Variants in PANX3 observed in about 807,000 individuals in gnomAD.
The protein encoded by PANX3 is pannexin-3.
A neutral mutation model predicts 31.5 loss-of-function variants in PANX3; 18 were observed. The observed-to-expected ratio is 0.57, with a 90% CI of 0.39 to 0.85. PANX3 has a LOEUF of 0.85. Among genes scored for constraint, PANX3 ranks in the 40% least tolerant of loss-of-function variants. The pLI, the probability that PANX3 is intolerant of heterozygous loss-of-function variation, is 0.00. For missense variants in PANX3, 426 were observed against 485.4 expected (o/e 0.88, Z 1.15); for synonymous variants, 194 against 201.6 (o/e 0.96, Z 0.32).
chr11:124,616,657 A>C lies in PANX3; in HGVS notation c.325-617A>C, dbSNP rs893216992. Among the ~76,000 whole-genome samples the C allele has an allele frequency of 1.3e-5, 2 of 152,228 alleles. No homozygotes were observed. The highest frequency in any genetic ancestry group is 4.8e-5 in the African/African-American group (2 of 41,458). On this transcript the variant is annotated intron_variant, in intron 2 of 3. Transcript: ENST00000284288. The surrounding 1 kb of genome is among the most constrained non-coding windows in gnomAD (Gnocchi z 4.8). Reference sequence around the variant, plus strand: ...AGTCACTTATAGATTTACATGCCTGAAAGAGCCCCGCAAAGAATCCCAAGA... The same window carrying C: ...AGTCACTTATAGATTTACATGCCTGCAAGAGCCCCGCAAAGAATCCCAAGA...
rs546347601 is a variant in PANX3, at chr11:124,617,242, G to A, written c.325-32G>A. 6 of 1,560,868 alleles carry A rather than the reference G, an allele frequency of 3.8e-6. No homozygotes were observed. The East Asian group carries it at 6.8e-5, about 18-fold the overall frequency. ...TGTCACTCGGGGTCTCAGCAGCCCC[G>A]GCCTCCCTCCTCAGCTGCTCTCGCC... On this transcript the variant is annotated intron_variant, in intron 2 of 3. Coordinates refer to ENST00000284288, the MANE Select transcript of PANX3 (RefSeq NM_052959.3).
chr11:124,615,020 G>C (rs776860383), intron 2 of PANX3, among the ~76,000 whole-genome samples: 1 of 151,798 alleles, frequency 6.6e-6, no homozygotes, highest in African/African-American at 2.4e-5. Flanking sequence ...ATTTTCTCTA[G>C]AGCCTGGTGT....
intron 1 of PANX3, among the ~76,000 whole-genome samples, chr11:124,612,294 A>T (rs564327745): frequency 6.6e-6 from 1 of 152,304 alleles, no homozygotes; most frequent in Non-Finnish European, 1.5e-5. Flanking sequence ...ATACACATAC[A>T]TCTAGGGTTT....
At chr11:124,615,372 C>A (rs746828499) in intron 2 of PANX3, among the ~76,000 whole-genome samples, 2 of 152,170 alleles carry the variant, frequency 1.3e-5, no homozygotes, top group Non-Finnish European at 2.9e-5. Flanking sequence ...TGAGCCACTG[C>A]GCCCGGCCCC....
At chr11:124,612,073 T>C (rs1432285248) in intron 1 of PANX3, among the ~76,000 whole-genome samples, 3 of 152,152 alleles carry the variant, frequency 2.0e-5, no homozygotes, top group Non-Finnish European at 4.4e-5. Context: ...CTCCTGGTAA[T>C]GTTTTTAGGG....
Position 124,617,335 on chromosome 11 carries a change from A to G in PANX3, c.386A>G (p.Gln129Arg). 1 of 1,612,330 alleles carries G rather than the reference A, an allele frequency of 6.2e-7. No individual in the cohort carries two copies. Among genetic ancestry groups the G allele is most frequent in the South Asian group, 1.1e-5 (1 of 91,090 alleles). ...ATGTACCTGCCGGTGCTGCTGTGGC[A>G]GTATGCAGCTGTGCCAGCCCTCAGC... ...LLMYLPVLLW[Q>R]YAAVPALSSD... is the part of the protein sequence containing the mutation. Residue 129 changes from glutamine to arginine, a missense_variant, in exon 3 of 4, where the codon CAG (glutamine) becomes CGG (arginine). Gln to Arg is a conservative substitution (Grantham distance 43). Transcript: ENST00000284288.
At position 124,620,059 on chromosome 11, in the gene PANX3, T is replaced by A; in HGVS notation, c.*124T>A. 9.9e-7 allele frequency: 1 copy of A among 1,011,452 alleles called. No homozygotes were observed. Among genetic ancestry groups the A allele is most frequent in the Non-Finnish European group, 1.4e-6 (1 of 696,986 alleles). 62.7% of individuals were successfully genotyped at this position (1,011,452 alleles called of 1,614,324 possible). ...TAAAACTGCTAAGCTTGGATTTAACTGAATCATATATCTTTTATCATGTTA... is the reference window on the plus strand; with the variant it reads ...TAAAACTGCTAAGCTTGGATTTAACAGAATCATATATCTTTTATCATGTTA... On this transcript the variant is annotated 3_prime_UTR_variant, in exon 4 of 4. Coordinates refer to ENST00000284288, the MANE Select transcript of PANX3 (RefSeq NM_052959.3).
chr11:124,618,314 C>T (rs1328728299), intron 3 of PANX3, among the ~76,000 whole-genome samples: 1 of 152,162 alleles, frequency 6.6e-6, no homozygotes, highest in African/African-American at 2.4e-5. Flanking sequence ...TTTTGAAGCC[C>T]AGATTTCAGC....
chr11:124,619,336 C>T lies in PANX3; in HGVS notation c.580C>T (p.Arg194Trp), dbSNP rs188711105. 5.6e-6 allele frequency: 9 copies of T among 1,613,896 alleles called. No homozygotes were observed. Among genetic ancestry groups the T allele is most frequent in the African/African-American group, 4.0e-5 (3 of 75,036 alleles). Residue 194 changes from arginine to tryptophan, a missense_variant, in exon 4 of 4, where the codon CGG (arginine) becomes TGG (tryptophan). By Grantham distance (101) the Arg-to-Trp change is moderately radical (BLOSUM62 -3). Coordinates refer to ENST00000284288, the MANE Select transcript of PANX3 (RefSeq NM_052959.3). ...ERYFEFPLLE[R>W]YLACKQRSHS... ...ATACTTTGAATTCCCTTTGCTAGAGCGGTACCTGGCATGTAAGCAGCGTTC... is the reference window on the plus strand; with the variant it reads ...ATACTTTGAATTCCCTTTGCTAGAGTGGTACCTGGCATGTAAGCAGCGTTC...
At position 124,616,258 on chromosome 11, in the gene PANX3, T is replaced by G. The variant is rs1282467787; in HGVS notation, c.325-1016T>G. On this transcript the variant is annotated intron_variant, in intron 2 of 3. Transcript: ENST00000284288. The surrounding 1 kb of genome is among the most constrained non-coding windows in gnomAD (Gnocchi z 4.8). ...AGATCAAGGTGTCATCAGTATTGGCTCCTCTGAAGGCTGCAAGGGAAACGT... is the reference window on the plus strand; with the variant it reads ...AGATCAAGGTGTCATCAGTATTGGCGCCTCTGAAGGCTGCAAGGGAAACGT... Among the ~76,000 whole-genome samples the G allele has an allele frequency of 3.3e-5, 5 of 152,084 alleles. No individual in the cohort carries two copies. The highest frequency in any genetic ancestry group is 2.9e-5 in the Non-Finnish European group (2 of 68,012).
chr11:124,613,732 C>A (rs1489538543), intron 2 of PANX3, among the ~76,000 whole-genome samples: 1 of 152,102 alleles, frequency 6.6e-6, no homozygotes, highest in Non-Finnish European at 1.5e-5. Context: ...CAGATTTTTC[C>A]AACAAGATCC....
intron 1 of PANX3, among the ~76,000 whole-genome samples, chr11:124,611,949 TAAAA>T (rs56856352): frequency 1.1e-3 from 105 of 97,994 alleles, no homozygotes; most frequent in African/African-American, 3.1e-3. Flanking sequence ...AATGTTACAG[TAAAA>T]AAAAAAAAAA....
chr11:124,615,990 G>A (rs1863149721), intron 2 of PANX3, among the ~76,000 whole-genome samples: 1 of 151,986 alleles, frequency 6.6e-6, no homozygotes, highest in Admixed American at 6.6e-5. Context: ...CTCCAGCCTG[G>A]GCAAGAGAGC....
rs547867369 is a variant in PANX3, at chr11:124,615,518, A to G, written c.325-1756A>G. Among the ~76,000 whole-genome samples the G allele has an allele frequency of 1.1e-4, 16 of 152,356 alleles. No homozygotes were observed. In the South Asian group the frequency reaches 3.3e-3, roughly 32 times the overall value. ...AGTAATCATTTAGGGAATAAGCTCC[A>G]GAATCAGACAGCCTATAGTTCTAAA... On this transcript the variant is annotated intron_variant, in intron 2 of 3. Coordinates refer to ENST00000284288, the MANE Select transcript of PANX3 (RefSeq NM_052959.3).
chr11:124,617,159 A>T, intron 2 of PANX3, 115 bp from the exon 3 acceptor site: 1 of 896,538 alleles, frequency 1.1e-6, no homozygotes, highest in South Asian at 1.6e-5. Context: ...CCCATTCCCC[A>T]AACAGCCTTC....
chr11:124,618,933 G>A (rs1358951750), intron 3 of PANX3, among the ~76,000 whole-genome samples: 2 of 152,102 alleles, frequency 1.3e-5, no homozygotes, highest in Admixed American at 6.5e-5. Flanking sequence ...CACCATGCCC[G>A]GCCCAGAATG....
At chr11:124,614,656 A>G (rs1390336889) in intron 2 of PANX3, among the ~76,000 whole-genome samples, 1 of 150,664 alleles carries the variant, frequency 6.6e-6, no homozygotes, top group African/African-American at 2.4e-5. Context: ...GTTTATTTTC[A>G]ATAAACGCCC....
Position 124,616,308 on chromosome 11 carries a change from T to A in PANX3, c.325-966T>A, listed in dbSNP as rs1254897565. On this transcript the variant is annotated intron_variant, in intron 2 of 3. Coordinates refer to ENST00000284288, the MANE Select transcript of PANX3 (RefSeq NM_052959.3). This position sits in a 1 kb window ranked among gnomAD's most constrained non-coding sequence, Gnocchi z 4.8. ...TCTGCCAGGTTCCCACTCCTTGGCCTGTAGATCCAGTGCCCTGGGCAGTCT... is the reference window on the plus strand; with the variant it reads ...TCTGCCAGGTTCCCACTCCTTGGCCAGTAGATCCAGTGCCCTGGGCAGTCT... Among the ~76,000 whole-genome samples the A allele has an allele frequency of 2.0e-5, 3 of 152,132 alleles. No homozygotes were observed. The highest frequency in any genetic ancestry group is 2.0e-4 in the Admixed American group (3 of 15,276).
intron 2 of PANX3, among the ~76,000 whole-genome samples, chr11:124,615,161 C>A (rs986988652): frequency 6.6e-6 from 1 of 152,134 alleles, no homozygotes; most frequent in East Asian, 1.9e-4. Context: ...TGGCTCACTG[C>A]AACCTCCGCC....
Sources: allele counts gnomAD v4.1 joint callset (sites outside exome capture counted in the v4.1 genomes callset), GRCh38; gene constraint gnomAD v4.1.1; non-coding constraint Gnocchi (gnomAD v3.1); transcripts MANE v1.5; gene names NCBI Gene and HGNC (gene_info 2026-07-23, HGNC 2026-07-21).